Variants in FOXN2 observed in about 807,000 individuals in gnomAD.
FOXN2 encodes the protein forkhead box protein N2.
In FOXN2, 19 loss-of-function variants were observed where a neutral mutation model predicts 41.2. The observed-to-expected ratio is 0.46, with a 90% CI of 0.32 to 0.68. The LOEUF is 0.68. Ranked by LOEUF, FOXN2 falls within the 30% of genes least tolerant of loss-of-function variation. FOXN2 has a pLI of 0.03. For missense variants in FOXN2, 587 were observed against 509.4 expected, an observed-to-expected ratio of 1.15 and a Z score of -1.47; for synonymous variants, 195 against 176.8, an observed-to-expected ratio of 1.10 and a Z score of -0.82.
At chr2:48,331,194 G>T (rs1669998580) in intron 2 of FOXN2, among the ~76,000 whole-genome samples, 1 of 152,110 alleles carries the variant, frequency 6.6e-6, no homozygotes, top group African/African-American at 2.4e-5. Flanking sequence ...ATCAAGAATT[G>T]ACTATTGTAT....
At chr2:48,314,047 A>C (rs997713153), upstream of FOXN2, among the ~76,000 whole-genome samples, 2 of 152,272 alleles carry the variant, frequency 1.3e-5, no homozygotes, top group African/African-American at 4.8e-5. Context: ...AAACACAGTG[A>C]CTTGTTTCCA....
intron 2 of FOXN2, among the ~76,000 whole-genome samples, chr2:48,341,320 T>A (rs1349422336): frequency 6.6e-6 from 1 of 152,146 alleles, no homozygotes; most frequent in Non-Finnish European, 1.5e-5. Context: ...AAATAGAAAG[T>A]TTTCTTGATT....
chr2:48,363,526 A>G (rs954630479), intron 5 of FOXN2, among the ~76,000 whole-genome samples: 2 of 152,220 alleles, frequency 1.3e-5, no homozygotes, highest in African/African-American at 2.4e-5. Context: ...CTAGGCCTCT[A>G]CATTCACTCA....
intron 2 of FOXN2, among the ~76,000 whole-genome samples, chr2:48,344,413 C>T (rs949427118): frequency 1.3e-5 from 2 of 152,176 alleles, no homozygotes; most frequent in East Asian, 3.8e-4. Flanking sequence ...GTGTTGTGTA[C>T]ATACTGTTGC....
chr2:48,339,008 A>G (rs1670557549), intron 2 of FOXN2, among the ~76,000 whole-genome samples: 2 of 152,190 alleles, frequency 1.3e-5, no homozygotes, highest in African/African-American at 4.8e-5. Flanking sequence ...AACCCATAAA[A>G]AAATGGGCAC....
At chr2:48,365,340 A>G (rs953268036) in intron 5 of FOXN2, among the ~76,000 whole-genome samples, 1 of 152,226 alleles carries the variant, frequency 6.6e-6, no homozygotes. Flanking sequence ...TGTTACCTAC[A>G]TCAGTCAAAT....
chr2:48,339,588 G>T (rs555239310), intron 2 of FOXN2, among the ~76,000 whole-genome samples: 2 of 152,054 alleles, frequency 1.3e-5, no homozygotes, highest in Admixed American at 6.5e-5. Context: ...GTGTAGAAAC[G>T]GACTAATACA....
In FOXN2 at chr2:48,346,453, C is replaced by A. The variant is rs1159103856; in HGVS notation, c.239C>A (p.Pro80Gln). The change falls in exon 3 of 7, where the codon CCA (proline) becomes CAA (glutamine). Residue 80 changes from proline (P) to glutamine (Q), a missense_variant. Coordinates refer to ENST00000340553, the MANE Select transcript of FOXN2 (RefSeq NM_002158.4). ...TNFSLGSEGL[P>Q]IVSPLYDIEG... ...TTCAGCCTCGGAAGTGAGGGTCTTC[C>A]AATTGTTAGTCCATTGTATGACATA... 1.2e-6 allele frequency: 2 copies of A among 1,613,876 alleles called. No individual in the cohort carries two copies. Among genetic ancestry groups the A allele is most frequent in the African/African-American group, 2.7e-5 (2 of 74,862 alleles).
At position 48,375,966 on chromosome 2, in the gene FOXN2, A is replaced by G. The variant is rs1190690107; in HGVS notation, c.*523A>G. ...TTTTTTTTTTGTTGTCGTGTGAGCA[A>G]AGACAAACATAAATTGAAAAACATC... On this transcript the variant is annotated 3_prime_UTR_variant, in exon 7 of 7. Transcript: ENST00000340553. The G allele has an allele frequency of 6.6e-6, 1 of 152,652 alleles. No homozygotes were observed. The highest frequency in any genetic ancestry group is 1.5e-5 in the Non-Finnish European group (1 of 68,394). 9.5% of individuals were successfully genotyped at this position (152,652 alleles called of 1,614,324 possible). A position where few individuals can be genotyped will look rare whatever the true frequency, so the allele number is the denominator to read the frequency against.
intron 1 of FOXN2, among the ~76,000 whole-genome samples, chr2:48,315,558 C>T (rs1668854170): frequency 6.6e-6 from 1 of 152,204 alleles, no homozygotes; most frequent in Non-Finnish European, 1.5e-5. Context: ...GCCTTTTAGT[C>T]CTCTTTCCTG....
chr2:48,325,761 T>C (rs1302758403), intron 1 of FOXN2, among the ~76,000 whole-genome samples: 2 of 151,590 alleles, frequency 1.3e-5, no homozygotes, highest in Non-Finnish European at 2.9e-5. Flanking sequence ...ACAAATGTTA[T>C]CAAAAGGTTC....
chr2:48,357,198 T>C (rs1671849937), intron 3 of FOXN2, among the ~76,000 whole-genome samples: 1 of 152,212 alleles, frequency 6.6e-6, no homozygotes, highest in African/African-American at 2.4e-5. Context: ...ATACTCAAGA[T>C]ACTTAACTGC....
At chr2:48,326,741 T>C (rs1298384713) in intron 1 of FOXN2, among the ~76,000 whole-genome samples, 1 of 152,214 alleles carries the variant, frequency 6.6e-6, no homozygotes, top group African/African-American at 2.4e-5. Flanking sequence ...GCACAACACA[T>C]AGTTTATTCA....
At chr2:48,317,643 T>C (rs1669015138) in intron 1 of FOXN2, among the ~76,000 whole-genome samples, 2 of 131,770 alleles carry the variant, frequency 1.5e-5, no homozygotes, top group Non-Finnish European at 3.2e-5. Flanking sequence ...TCTGGCAGCC[T>C]TTCTCCCAGG....
chr2:48,316,098 T>C (rs1003815938), intron 1 of FOXN2, among the ~76,000 whole-genome samples: 2 of 152,094 alleles, frequency 1.3e-5, no homozygotes, highest in Non-Finnish European at 2.9e-5. Context: ...CCAGGGGCTT[T>C]GTAACTGTGC....
At chr2:48,345,001 C>G (rs1233909638) in intron 2 of FOXN2, among the ~76,000 whole-genome samples, 1 of 151,918 alleles carries the variant, frequency 6.6e-6, no homozygotes, top group African/African-American at 2.4e-5. Flanking sequence ...CTGTTATTGT[C>G]TCATGATAAA....
upstream of FOXN2, among the ~76,000 whole-genome samples, chr2:48,314,182 T>C (rs1572679173): frequency 6.6e-6 from 1 of 152,162 alleles, no homozygotes; most frequent in South Asian, 2.1e-4. Context: ...TAACGTGGGG[T>C]GTCGAGGAAG....
At position 48,330,631 on chromosome 2, in the gene FOXN2, G is replaced by A. The variant is rs150887337; in HGVS notation, c.-15+1929G>A. Among the ~76,000 whole-genome samples the A allele has an allele frequency of 2.0e-5, 3 of 151,864 alleles. No homozygotes were observed. The East Asian group carries it at 5.8e-4, about 29-fold the overall frequency. On this transcript the variant is annotated intron_variant, in intron 2 of 6. Coordinates refer to ENST00000340553, the MANE Select transcript of FOXN2 (RefSeq NM_002158.4). ...ATGCCTACTTTCTGGTTGCTCTTTT[G>A]ACATTTGTGAAATTGCTTGATTTGC...
At chr2:48,350,357 C>T (rs911425776) in intron 3 of FOXN2, among the ~76,000 whole-genome samples, 3 of 152,212 alleles carry the variant, frequency 2.0e-5, no homozygotes, top group Non-Finnish European at 4.4e-5. Flanking sequence ...GTATCATCAG[C>T]AGATTTGAGC....
Sources: gnomAD v4.1 joint callset for allele counts (sites outside exome capture counted in the v4.1 genomes callset) on GRCh38, gnomAD v4.1.1 for gene constraint, MANE v1.5 for transcripts, NCBI Gene and HGNC (gene_info 2026-07-23, HGNC 2026-07-21) for gene names.